Variants in FBXO36 observed in about 807,000 individuals in gnomAD.
The protein encoded by FBXO36 is F-box protein 36.
In FBXO36, 18 loss-of-function variants were observed where a neutral mutation model predicts 17.0. The observed-to-expected ratio is 1.06, with a 90% confidence interval of 0.73 to 1.57. FBXO36 has a LOEUF of 1.57. Among genes scored for constraint, FBXO36 ranks in the 40% most tolerant of loss-of-function variants. The pLI is 0.00. For synonymous variants in FBXO36, 83 were observed against 85.3 expected, an observed-to-expected ratio of 0.97 and a Z score of 0.15; for missense variants, 229 against 221.9, an observed-to-expected ratio of 1.03 and a Z score of -0.20.
At chr2:229,950,669 A>G (rs576596627) in intron 1 of FBXO36, among the ~76,000 whole-genome samples, 1 of 152,272 alleles carries the variant, frequency 6.6e-6, no homozygotes, top group South Asian at 2.1e-4. Context: ...ATGGCCGAAC[A>G]GTGGGTTTTG....
chr2:229,992,640 G>T (rs959811990), intron 2 of FBXO36, among the ~76,000 whole-genome samples: 16 of 152,126 alleles, frequency 1.1e-4, no homozygotes, highest in Admixed American at 5.9e-4. Flanking sequence ...CACATCTCTT[G>T]CAGGTACCCA....
intron 2 of FBXO36, among the ~76,000 whole-genome samples, chr2:229,981,876 A>G (rs1408216001): frequency 6.6e-6 from 1 of 152,178 alleles, no homozygotes; most frequent in Non-Finnish European, 1.5e-5. Flanking sequence ...CAGGCTGTAC[A>G]GAAAGCATAG....
At chr2:229,937,574 G>A (rs1186521160) in intron 1 of FBXO36, among the ~76,000 whole-genome samples, 3 of 152,130 alleles carry the variant, frequency 2.0e-5, no homozygotes, top group Non-Finnish European at 2.9e-5. Context: ...AGCTCCTACC[G>A]TATTCTACAA....
At chr2:229,943,752 T>G (rs2077012222) in intron 1 of FBXO36, among the ~76,000 whole-genome samples, 1 of 152,104 alleles carries the variant, frequency 6.6e-6, no homozygotes, top group African/African-American at 2.4e-5. Context: ...CTGAAGTGAT[T>G]AGATATTGAA....
chr2:229,925,196 A>G (rs946520103), intron 1 of FBXO36, among the ~76,000 whole-genome samples: 2 of 151,980 alleles, frequency 1.3e-5, no homozygotes, highest in Non-Finnish European at 1.5e-5. Flanking sequence ...AAAATCCTAA[A>G]TTCTGATCCA....
chr2:229,948,985 C>T (rs1288739981), intron 1 of FBXO36, among the ~76,000 whole-genome samples: 1 of 152,160 alleles, frequency 6.6e-6, no homozygotes, highest in African/African-American at 2.4e-5. Context: ...AGGCGCCGGC[C>T]ACCACACCCG....
At chr2:229,995,972 G>C (rs556529434) in intron 2 of FBXO36, among the ~76,000 whole-genome samples, 1 of 151,722 alleles carries the variant, frequency 6.6e-6, no homozygotes, top group African/African-American at 2.4e-5. Flanking sequence ...GTTTGGTGTA[G>C]ACACAATGTA....
At chr2:230,006,521 C>G (rs1028263087) in intron 3 of FBXO36, among the ~76,000 whole-genome samples, 1 of 152,148 alleles carries the variant, frequency 6.6e-6, no homozygotes, top group Non-Finnish European at 1.5e-5. Context: ...CTTCAGGGCT[C>G]TGTGCAGTCA....
At chr2:229,994,008 G>A (rs965014419) in intron 2 of FBXO36, among the ~76,000 whole-genome samples, 2 of 151,774 alleles carry the variant, frequency 1.3e-5, no homozygotes, top group Non-Finnish European at 2.9e-5. Flanking sequence ...TCCTGACCTC[G>A]TGATCCACCC....
chr2:229,923,119 A>T (rs903872417), intron 1 of FBXO36: 1 of 154,030 alleles, frequency 6.5e-6, no homozygotes, highest in Admixed American at 6.5e-5. Context: ...AGTTATTTCT[A>T]GTAGCAACTG....
At chr2:230,004,731 G>A (rs950088379) in intron 3 of FBXO36, among the ~76,000 whole-genome samples, 4 of 152,044 alleles carry the variant, frequency 2.6e-5, no homozygotes, top group African/African-American at 7.3e-5. Flanking sequence ...TACTGGCCAC[G>A]CATGGTGGCT....
chr2:229,924,622 C>T (rs1283218311), intron 1 of FBXO36, among the ~76,000 whole-genome samples: 1 of 152,166 alleles, frequency 6.6e-6, no homozygotes, highest in Non-Finnish European at 1.5e-5. Context: ...CCTCACCAGG[C>T]TGAGTATCTT....
chr2:229,949,790 T>A (rs1042400400), intron 1 of FBXO36, among the ~76,000 whole-genome samples: 1 of 151,996 alleles, frequency 6.6e-6, no homozygotes, highest in Non-Finnish European at 1.5e-5. Flanking sequence ...CCGGGCGTGG[T>A]GGCGGGCGCC....
chr2:230,004,514 A>G (rs1304943049), intron 3 of FBXO36, among the ~76,000 whole-genome samples: 3 of 152,118 alleles, frequency 2.0e-5, no homozygotes, highest in Non-Finnish European at 2.9e-5. Flanking sequence ...TCTGATTCTC[A>G]TCTCTAGTGG....
chr2:229,984,043 A>G (rs1206143965), intron 2 of FBXO36, among the ~76,000 whole-genome samples: 3 of 152,188 alleles, frequency 2.0e-5, no homozygotes, highest in African/African-American at 7.2e-5. Context: ...TTTGAATTGT[A>G]TATATGTTTA....
intron 2 of FBXO36, among the ~76,000 whole-genome samples, chr2:229,985,991 T>A (rs1005893538): frequency 2.0e-5 from 3 of 152,126 alleles, no homozygotes; most frequent in Non-Finnish European, 4.4e-5. Context: ...AAGCTGTAGC[T>A]AGCCATGATT....
At chr2:229,935,938 A>G (rs1251842255) in intron 1 of FBXO36, among the ~76,000 whole-genome samples, 1 of 152,220 alleles carries the variant, frequency 6.6e-6, no homozygotes, top group Non-Finnish European at 1.5e-5. Context: ...CTGTAATCCC[A>G]GGACTTTGGG....
intron 1 of FBXO36, among the ~76,000 whole-genome samples, chr2:229,928,300 A>G (rs2076922953): frequency 6.6e-6 from 1 of 152,238 alleles, no homozygotes; most frequent in Admixed American, 6.5e-5. Flanking sequence ...TAAACATAGC[A>G]TATCCTACTT....
At chr2:229,958,493 A>T (rs1036285064) in intron 1 of FBXO36, among the ~76,000 whole-genome samples, 1 of 151,538 alleles carries the variant, frequency 6.6e-6, no homozygotes, top group Non-Finnish European at 1.5e-5. Flanking sequence ...CTGATCTCGA[A>T]CTCCTGACCT....
Sources: gnomAD v4.1 joint callset for allele counts (sites outside exome capture counted in the v4.1 genomes callset) on GRCh38, gnomAD v4.1.1 for gene constraint, MANE v1.5 for transcripts, NCBI Gene and HGNC (gene_info 2026-07-23, HGNC 2026-07-21) for gene names.